Variants in MMP16 observed in about 807,000 individuals in gnomAD.
MMP16 encodes the protein matrix metallopeptidase 16, also known as matrix metalloproteinase-16.
In MMP16, 12 loss-of-function variants were observed where a neutral mutation model predicts 67.8. That is an observed-to-expected ratio of 0.18 (90% CI 0.11 to 0.29). The LOEUF is 0.29. MMP16 is among the 10% of genes least tolerant of loss of function. MMP16 has a pLI of 1.00. For synonymous variants in MMP16, 249 were observed against 255.9 expected, an observed-to-expected ratio of 0.97 and a Z score of 0.26; for missense variants, 475 against 765.7, an observed-to-expected ratio of 0.62 and a Z score of 4.48.
chr8:88,175,595 T>A (rs1330706120), intron 3 of MMP16, among the ~76,000 whole-genome samples: 1 of 152,224 alleles, frequency 6.6e-6, no homozygotes, highest in Non-Finnish European at 1.5e-5. Context: ...GAAGTAAAGA[T>A]AATAATTGGC....
chr8:88,303,477 A>G (rs753618527), intron 1 of MMP16, among the ~76,000 whole-genome samples: 5 of 152,160 alleles, frequency 3.3e-5, no homozygotes, highest in African/African-American at 4.8e-5. Flanking sequence ...CTGCTTCTTT[A>G]AGTGGGTCCC....
At chr8:88,138,221 A>G (rs945791705) in intron 4 of MMP16, among the ~76,000 whole-genome samples, 8 of 151,942 alleles carry the variant, frequency 5.3e-5, no homozygotes, top group Non-Finnish European at 7.4e-5. Flanking sequence ...CCTCTGAAAA[A>G]GACTTAAAAT....
chr8:88,206,721 G>A (rs375290303), intron 1 of MMP16, among the ~76,000 whole-genome samples: 1 of 152,150 alleles, frequency 6.6e-6, no homozygotes, highest in East Asian at 1.9e-4. Flanking sequence ...TAGAAGTCTG[G>A]TGATGGTTTT....
intron 1 of MMP16, among the ~76,000 whole-genome samples, chr8:88,320,131 C>T (rs1250750258): frequency 6.6e-6 from 1 of 152,166 alleles, no homozygotes; most frequent in East Asian, 1.9e-4. Flanking sequence ...AAAGAAACCA[C>T]ACTGTTTCAC....
At chr8:88,122,950 G>A (rs774011305) in intron 4 of MMP16, among the ~76,000 whole-genome samples, 3 of 148,462 alleles carry the variant, frequency 2.0e-5, no homozygotes, top group Non-Finnish European at 4.5e-5. Flanking sequence ...GAGTTAGCTT[G>A]GAAGTGAATT....
At chr8:88,268,036 A>G (rs899410981) in intron 1 of MMP16, among the ~76,000 whole-genome samples, 3 of 152,204 alleles carry the variant, frequency 2.0e-5, no homozygotes, top group Non-Finnish European at 4.4e-5. Context: ...CCAGAGAACA[A>G]CAGATTTACC....
At chr8:88,274,435 C>T (rs79208925) in intron 1 of MMP16, among the ~76,000 whole-genome samples, 92 of 152,108 alleles carry the variant, frequency 6.0e-4, no homozygotes, top group African/African-American at 2.0e-3. Context: ...ACCTTTAATA[C>T]GTAAGTCCAC....
rs1035293327 is a variant in MMP16 at position 88,159,946 on chromosome 8, T to C, written c.709+7723A>G. 6.0e-5 allele frequency among the ~76,000 whole-genome samples: 9 copies of C among 151,138 alleles called. No individual in the cohort carries two copies. The East Asian group carries it at 1.2e-3, about 20-fold the overall frequency. ...TGCTGGATTACGTTTATTGATTTGT[T>C]GTTTTTTTTTCAAATTATTTTATTT... On this transcript the variant is annotated intron_variant, in intron 4 of 9. Coordinates refer to ENST00000286614, the MANE Select transcript of MMP16 (RefSeq NM_005941.5).
At chr8:88,127,752 C>T (rs181616862) in intron 4 of MMP16, among the ~76,000 whole-genome samples, 12 of 151,840 alleles carry the variant, frequency 7.9e-5, no homozygotes, top group Admixed American at 4.6e-4. Flanking sequence ...GCAAATCTTG[C>T]GCTTAAATGA....
In MMP16 at chr8:88,140,687, A is replaced by G. The variant is rs28907600; in HGVS notation, c.710-21826T>C. On this transcript the variant is annotated intron_variant, in intron 4 of 9. Coordinates refer to ENST00000286614, the MANE Select transcript of MMP16 (RefSeq NM_005941.5). ...ACTAAGTTCTTTTTAATATTTTCCTATATTTTTCAAAAGTCTTAATAACCT... is the reference window on the plus strand; with the variant it reads ...ACTAAGTTCTTTTTAATATTTTCCTGTATTTTTCAAAAGTCTTAATAACCT... 8.7e-3 allele frequency among the ~76,000 whole-genome samples: 1,329 copies of G among 152,234 alleles called. 27 individuals carry two copies. Among genetic ancestry groups the G allele is most frequent in the African/African-American group, 0.03 (1,250 of 41,538 alleles).
intron 1 of MMP16, among the ~76,000 whole-genome samples, chr8:88,302,715 T>C (rs1243075281): frequency 1.3e-5 from 2 of 152,082 alleles, no homozygotes; most frequent in African/African-American, 4.8e-5. Flanking sequence ...AGGATAATAA[T>C]AGAGGGTCCA....
chr8:88,186,427 T>C (rs776451077), intron 3 of MMP16, 49 bp downstream of exon 3: 3 of 1,607,752 alleles, frequency 1.9e-6, no homozygotes, highest in South Asian at 2.2e-5. Flanking sequence ...TCAAAACAAA[T>C]AGTAATGAAA....
At chr8:88,179,421 T>C (rs1024337772) in intron 3 of MMP16, among the ~76,000 whole-genome samples, 4 of 151,850 alleles carry the variant, frequency 2.6e-5, no homozygotes, top group African/African-American at 9.7e-5. Flanking sequence ...AAAACACTTA[T>C]TGTCTACAGA....
chr8:88,072,955 A>T (rs978255910), intron 7 of MMP16, among the ~76,000 whole-genome samples: 43 of 152,138 alleles, frequency 2.8e-4, no homozygotes, highest in African/African-American at 1.0e-3. Flanking sequence ...AGGAGCGGCA[A>T]AGCGAATAAA....
At chr8:88,179,472 A>C (rs1232755474) in intron 3 of MMP16, among the ~76,000 whole-genome samples, 2 of 152,098 alleles carry the variant, frequency 1.3e-5, no homozygotes, top group Admixed American at 6.5e-5. Flanking sequence ...GTTCTTCAGA[A>C]AGAAGAAAAA....
At chr8:88,233,671 T>C (rs1329391037) in intron 1 of MMP16, among the ~76,000 whole-genome samples, 2 of 152,212 alleles carry the variant, frequency 1.3e-5, no homozygotes, top group Non-Finnish European at 2.9e-5. Flanking sequence ...ACTGGGCTTT[T>C]TTCCTCTTTC....
At chr8:88,308,095 A>T (rs1811238133) in intron 1 of MMP16, among the ~76,000 whole-genome samples, 1 of 152,106 alleles carries the variant, frequency 6.6e-6, no homozygotes, top group Non-Finnish European at 1.5e-5. Flanking sequence ...TGTCAAAATT[A>T]GTATATAATA....
At chr8:88,318,598 A>C (rs1324308048) in intron 1 of MMP16, among the ~76,000 whole-genome samples, 1 of 152,158 alleles carries the variant, frequency 6.6e-6, no homozygotes, top group East Asian at 1.9e-4. Flanking sequence ...TACGACAGTC[A>C]GCCTGTCTGC....
intron 6 of MMP16, among the ~76,000 whole-genome samples, chr8:88,108,879 A>G (rs1260268670): frequency 1.3e-5 from 2 of 151,358 alleles, no homozygotes; most frequent in African/African-American, 4.8e-5. Context: ...TTCCATCATT[A>G]AAGTTGTCTA....
Sources: gnomAD v4.1 joint callset for allele counts (sites outside exome capture counted in the v4.1 genomes callset) on GRCh38, gnomAD v4.1.1 for gene constraint, MANE v1.5 for transcripts, NCBI Gene and HGNC (gene_info 2026-07-23, HGNC 2026-07-21) for gene names.